The following KRTAP12-1 variants were observed in gnomAD, a reference collection of about 807,000 sequenced individuals.
KRTAP12-1 encodes the protein keratin-associated protein 12-1.
For synonymous variants in KRTAP12-1, 56 were observed against 58.8 expected (o/e 0.95, Z 0.22); for missense variants, 109 against 127.2 (o/e 0.86, Z 0.69).
chr21:44,681,773 C>T lies in KRTAP12-1; in HGVS notation c.*60G>A, dbSNP rs2838621. 743,049 of 1,550,496 alleles carry T rather than the reference C, an allele frequency of 0.48. 179,443 individuals carry two copies. The highest frequency in any genetic ancestry group is 0.59 in the African/African-American group (43,396 of 73,856). ...GCAGAAGACCAACTGAGGACTCATCCAGGGAGTGTACAGGTGTGGCCTCAT... is the reference window on the plus strand; with the variant it reads ...GCAGAAGACCAACTGAGGACTCATCTAGGGAGTGTACAGGTGTGGCCTCAT... On this transcript the variant is annotated 3_prime_UTR_variant, in exon 1 of 1. Transcript: ENST00000391617.
rs1254925228 is a variant in KRTAP12-1, at chr21:44,681,689, T to C, written c.*144A>G. 25 of 1,145,394 alleles carry C rather than the reference T, an allele frequency of 2.2e-5. No individual in the cohort carries two copies. The highest frequency in any genetic ancestry group is 6.7e-5 in the South Asian group (4 of 59,322). 71.0% of individuals were successfully genotyped at this position (1,145,394 alleles called of 1,614,324 possible). A position where few individuals can be genotyped will look rare whatever the true frequency, so the allele number is the denominator to read the frequency against. ...CAGCCAGGGCTCCAGATCATTCTAT[T>C]ATATTCTCGATCCAGAATTCAGAGG... is the stretch of plus-strand genomic sequence containing the variant. On this transcript the variant is annotated 3_prime_UTR_variant, in exon 1 of 1. Transcript: ENST00000391617.
In KRTAP12-1 at chr21:44,682,009, T is replaced by C; in HGVS notation, c.115A>G (p.Ser39Gly). Residue 39 changes from serine (S) to glycine (G), a missense_variant, in exon 1 of 1, where the codon AGC (serine) becomes GGC (glycine). Ser to Gly is a moderately conservative substitution (Grantham distance 56). Coordinates refer to ENST00000391617, the MANE Select transcript of KRTAP12-1 (RefSeq NM_181686.2). The part of the protein sequence containing the change: ...GCQSSVCVPV[S>G]FKPAVCVPVR... Reference sequence around the variant, plus strand: ...GGCACACACACGGCTGGCTTGAAGCTCACGGGCACGCACACGGAGGACTGG... The same window carrying C: ...GGCACACACACGGCTGGCTTGAAGCCCACGGGCACGCACACGGAGGACTGG... 1 of 1,609,768 alleles carries C rather than the reference T, an allele frequency of 6.2e-7. No homozygotes were observed. The highest frequency in any genetic ancestry group is 8.5e-7 in the Non-Finnish European group (1 of 1,176,584).
At position 44,681,892 on chromosome 21, in the gene KRTAP12-1, G is replaced by A. The variant is rs782539058; in HGVS notation, c.232C>T (p.Pro78Ser). 5.0e-6 allele frequency: 8 copies of A among 1,614,148 alleles called. No individual in the cohort carries two copies. In the African/African-American group the frequency reaches 8.0e-5, roughly 16 times the overall value. ...CTGCAGAGGACGCTGGTGCAGGAAG[G>A]CTGGCAGCACCCAGAGGACTGGCAG... ...PSCQSSGCCQ[P>S]SCTSVLCRPI... Residue 78 changes from proline (P) to serine (S), a missense_variant, in exon 1 of 1, where the codon CCT becomes TCT. Physicochemically the swap from Pro to Ser is moderately conservative, Grantham distance 74. Coordinates refer to ENST00000391617, the MANE Select transcript of KRTAP12-1 (RefSeq NM_181686.2).
At chr21:44,682,079 G>T in the KRTAP12-1 span, 1 of 1,613,938 alleles carries the variant, frequency 6.2e-7, no homozygotes, top group Admixed American at 1.7e-5. Context: ...GGCTGGGCGC[G>T]CAGCAGGCTG....
In KRTAP12-1 at chr21:44,682,058, T is replaced by C; in HGVS notation, c.66A>G (p.Ala22=). ...GGCAGCCCACGGGGATGTAACAGGA[T>C]GCCTGGCAGGGGCTGGGCGCGCAGC... ...PACCAPSPCQ[A]SCYIPVGCQS... is the part of the protein sequence containing the mutation. The change falls in exon 1 of 1, where the codon GCA becomes GCG. Residue 22 remains alanine, a synonymous_variant. Transcript: ENST00000391617. 5 of 1,614,034 alleles carry C rather than the reference T, an allele frequency of 3.1e-6. No individual in the cohort carries two copies. The highest frequency in any genetic ancestry group is 4.2e-6 in the Non-Finnish European group (5 of 1,179,936).
rs141840336 is a variant in KRTAP12-1, at chr21:44,681,651, G to T, written c.*182C>A. The T allele has an allele frequency of 8.3e-4, 654 of 783,982 alleles. 8 individuals carry two copies. Among genetic ancestry groups the T allele is most frequent in the Admixed American group, 4.5e-4 (15 of 32,998 alleles). The allele number at this position is 783,982 out of a possible 1,614,324, so 48.6% of individuals were successfully genotyped here. A position where few individuals can be genotyped will look rare whatever the true frequency, so the allele number is the denominator to read the frequency against. ...TCTGGGACCCCAGACTTCCCTGGGGGGATAGGCAAGTTCAGCCAGGGCTCC... is the reference window on the plus strand; with the variant it reads ...TCTGGGACCCCAGACTTCCCTGGGGTGATAGGCAAGTTCAGCCAGGGCTCC... On this transcript the variant is annotated 3_prime_UTR_variant, in exon 1 of 1. Transcript: ENST00000391617.
At chr21:44,681,959 GCACA>G in the KRTAP12-1 span, 30 of 1,613,780 alleles carry the variant, frequency 1.9e-5, no homozygotes, top group African/African-American at 2.7e-5. Context: ...TCACGGGCAC[GCACA>G]CAGAGGACTG....
In KRTAP12-1 at chr21:44,681,932, C is replaced by T. The variant is rs782027452; in HGVS notation, c.192G>A (p.Val64=). Residue 64 remains valine (V), a synonymous_variant, in exon 1 of 1, where the codon GTG becomes GTA. Coordinates refer to ENST00000391617, the MANE Select transcript of KRTAP12-1 (RefSeq NM_181686.2). ...AGGACTGGCAGGAGGGAGCCGCATA[C>T]ACGACGGGCCTGCAGCTCACGGGCA... The part of the protein sequence containing the change: ...VCVPVSCRPV[V]YAAPSCQSSG... 1 of 1,614,126 alleles carries T rather than the reference C, an allele frequency of 6.2e-7. No individual in the cohort carries two copies. Among genetic ancestry groups the T allele is most frequent in the Admixed American group, 1.7e-5 (1 of 60,030 alleles).
At position 44,681,581 on chromosome 21, in the gene KRTAP12-1, T is replaced by G. The variant is rs1986591295; in HGVS notation, c.*252A>C. 2 of 475,780 alleles carry G rather than the reference T, an allele frequency of 4.2e-6. No individual in the cohort carries two copies. Among genetic ancestry groups the G allele is most frequent in the African/African-American group, 1.9e-5 (1 of 51,886 alleles). The allele number at this position is 475,780 out of a possible 1,614,324, so 29.5% of individuals were successfully genotyped here. On this transcript the variant is annotated 3_prime_UTR_variant, in exon 1 of 1. Coordinates refer to ENST00000391617, the MANE Select transcript of KRTAP12-1 (RefSeq NM_181686.2). ...GAGAGACAAGAAACGCAGAGTTGCA[T>G]GGGGAAAGCTGGTTTATTTGACTCT...
chr21:44,682,009 T>A lies in KRTAP12-1; in HGVS notation c.115A>T (p.Ser39Cys). 2 of 1,609,768 alleles carry A rather than the reference T, an allele frequency of 1.2e-6. No homozygotes were observed. The highest frequency in any genetic ancestry group is 1.7e-6 in the Non-Finnish European group (2 of 1,176,584). The change falls in exon 1 of 1, where the codon AGC (serine) becomes TGC (cysteine). Residue 39 changes from serine (S) to cysteine (C), a missense_variant. Transcript: ENST00000391617. ...GCQSSVCVPV[S>C]FKPAVCVPVR... is the part of the protein sequence containing the mutation. ...GGCACACACACGGCTGGCTTGAAGC[T>A]CACGGGCACGCACACGGAGGACTGG...
In KRTAP12-1 at chr21:44,681,953, G is replaced by A. The variant is rs782049265; in HGVS notation, c.171C>T (p.Pro57=). The A allele has an allele frequency of 6.9e-5, 112 of 1,613,852 alleles. No homozygotes were observed. Among genetic ancestry groups the A allele is most frequent in the East Asian group, 8.9e-5 (4 of 44,876 alleles). The change falls in exon 1 of 1, where the codon CCC becomes CCT. Residue 57 remains proline (P), a synonymous_variant. Transcript: ENST00000391617. ...PVRCQSSVCV[P]VSCRPVVYAA... is the part of the protein sequence containing the mutation. ...CATACACGACGGGCCTGCAGCTCAC[G>A]GGCACGCACACAGAGGACTGGCATC...
In KRTAP12-1 at chr21:44,682,035, C is replaced by A. The variant is rs201081773; in HGVS notation, c.89G>T (p.Cys30Phe). 2.3e-4 allele frequency: 367 copies of A among 1,614,114 alleles called. 2 individuals carry two copies. The highest frequency in any genetic ancestry group is 4.0e-5 in the Non-Finnish European group (47 of 1,179,946). The change falls in exon 1 of 1, where the codon TGC becomes TTC. Residue 30 changes from cysteine to phenylalanine, a missense_variant. Coordinates refer to ENST00000391617, the MANE Select transcript of KRTAP12-1 (RefSeq NM_181686.2). ...CACGGGCACGCACACGGAGGACTGG[C>A]AGCCCACGGGGATGTAACAGGATGC... ...CQASCYIPVG[C>F]QSSVCVPVSF... is the part of the protein sequence containing the mutation.
rs192790524 is a variant in KRTAP12-1 at position 44,682,147 on chromosome 21, C to G, written c.-24G>C. 12 of 1,609,338 alleles carry G rather than the reference C, an allele frequency of 7.5e-6. No homozygotes were observed. The highest frequency in any genetic ancestry group is 1.0e-5 in the Non-Finnish European group (12 of 1,177,076). ...ATGGTGGCGTGTGGCTGGATAAGGTCGAGGCAGAGGGCAGTGATGTCTGGG... is the reference window on the plus strand; with the variant it reads ...ATGGTGGCGTGTGGCTGGATAAGGTGGAGGCAGAGGGCAGTGATGTCTGGG... On this transcript the variant is annotated 5_prime_UTR_variant, in exon 1 of 1. Transcript: ENST00000391617.
Position 44,682,145 on chromosome 21 carries a change from G to T in KRTAP12-1, c.-22C>A, listed in dbSNP as rs1555948169. ...ACATGGTGGCGTGTGGCTGGATAAG[G>T]TCGAGGCAGAGGGCAGTGATGTCTG... is the stretch of plus-strand genomic sequence containing the variant. On this transcript the variant is annotated 5_prime_UTR_variant, in exon 1 of 1. Transcript: ENST00000391617. The T allele has an allele frequency of 6.2e-7, 1 of 1,610,582 alleles. No individual in the cohort carries two copies. The highest frequency in any genetic ancestry group is 8.5e-7 in the Non-Finnish European group (1 of 1,177,764).
rs782569908 is a variant in KRTAP12-1 at position 44,682,033 on chromosome 21, G to T, written c.91C>A (p.Gln31Lys). 1 of 1,614,082 alleles carries T rather than the reference G, an allele frequency of 6.2e-7. No homozygotes were observed. The highest frequency in any genetic ancestry group is 8.5e-7 in the Non-Finnish European group (1 of 1,179,932). ...QASCYIPVGC[Q>K]SSVCVPVSFK... Reference sequence around the variant, plus strand: ...CTCACGGGCACGCACACGGAGGACTGGCAGCCCACGGGGATGTAACAGGAT... The same window carrying T: ...CTCACGGGCACGCACACGGAGGACTTGCAGCCCACGGGGATGTAACAGGAT... The change falls in exon 1 of 1, where the codon CAG becomes AAG. Residue 31 changes from glutamine to lysine, a missense_variant. Coordinates refer to ENST00000391617, the MANE Select transcript of KRTAP12-1 (RefSeq NM_181686.2).
rs1331576848 is a variant in KRTAP12-1, at chr21:44,682,085, G to T, written c.39C>A (p.Ala13=). 11 of 1,613,802 alleles carry T rather than the reference G, an allele frequency of 6.8e-6. No homozygotes were observed. The highest frequency in any genetic ancestry group is 7.6e-6 in the Non-Finnish European group (9 of 1,179,896). ...CCTGGCAGGGGCTGGGCGCGCAGCA[G>T]GCTGGCTGGCAGCCCGAGGAGCAGC... ...HTSCSSGCQP[A]CCAPSPCQAS... is the part of the protein sequence containing the mutation. The change falls in exon 1 of 1, where the codon GCC becomes GCA. Residue 13 remains alanine (A), a synonymous_variant. Transcript: ENST00000391617.
chr21:44,681,770 A>T lies in KRTAP12-1; in HGVS notation c.*63T>A. 6.5e-7 allele frequency: 1 copy of T among 1,550,016 alleles called. No individual in the cohort carries two copies. The highest frequency in any genetic ancestry group is 8.7e-7 in the Non-Finnish European group (1 of 1,143,356). ...TGTGCAGAAGACCAACTGAGGACTC[A>T]TCCAGGGAGTGTACAGGTGTGGCCT... On this transcript the variant is annotated 3_prime_UTR_variant, in exon 1 of 1. Transcript: ENST00000391617.
At position 44,681,802 on chromosome 21, in the gene KRTAP12-1, C is replaced by T. The variant is rs1555947999; in HGVS notation, c.*31G>A. On this transcript the variant is annotated 3_prime_UTR_variant, in exon 1 of 1. Transcript: ENST00000391617. ...GAGTGTACAGGTGTGGCCTCATCTG[C>T]ACTGGGAGCAGCGGGTCTGGAGATT... 1.3e-6 allele frequency: 2 copies of T among 1,585,142 alleles called. No homozygotes were observed. Among genetic ancestry groups the T allele is most frequent in the Middle Eastern group, 1.7e-4 (1 of 5,718 alleles).
Position 44,681,996 on chromosome 21 carries a change from G to A in KRTAP12-1, c.128C>T (p.Ala43Val). The A allele has an allele frequency of 6.2e-7, 1 of 1,610,072 alleles. No homozygotes were observed. Among genetic ancestry groups the A allele is most frequent in the Non-Finnish European group, 8.5e-7 (1 of 1,176,814 alleles). Residue 43 changes from alanine (A) to valine (V), a missense_variant, in exon 1 of 1, where the codon GCC becomes GTC. Transcript: ENST00000391617. Reference sequence around the variant, plus strand: ...CTGGCATCTCACGGGCACACACACGGCTGGCTTGAAGCTCACGGGCACGCA... The same window carrying A: ...CTGGCATCTCACGGGCACACACACGACTGGCTTGAAGCTCACGGGCACGCA... The part of the protein sequence containing the change: ...SVCVPVSFKP[A>V]VCVPVRCQSS...
Sources: allele counts gnomAD v4.1 joint callset, GRCh38; gene constraint gnomAD v4.1.1; transcripts MANE v1.5; gene names NCBI Gene and HGNC (gene_info 2026-07-23, HGNC 2026-07-21).